The following FLG variants were observed in gnomAD, a reference collection of about 807,000 sequenced individuals.
The protein encoded by FLG is filaggrin.
In FLG, 6 loss-of-function variants were observed where a neutral mutation model predicts 3.8. The ratio of observed to expected loss-of-function variants is 1.60; its 90% CI spans 0.87 to 3.15. The LOEUF (loss-of-function observed/expected upper bound fraction) is 3.15. Ranked by LOEUF, FLG falls within the 30% of genes most tolerant of loss-of-function variation. The pLI is 0.00. For synonymous variants in FLG, 2,551 were observed against 1,931.6 expected (o/e 1.32, Z -8.41); for missense variants, 7,595 against 5,050.9 (o/e 1.50, Z -15.27).
intron 1 of FLG, among the ~76,000 whole-genome samples, chr1:152,319,508 T>C (rs923768693): frequency 5.3e-5 from 8 of 151,282 alleles, no homozygotes; most frequent in Non-Finnish European, 1.0e-4. Flanking sequence ...AAGCAGGAGA[T>C]ATAAAAGAAA....
rs1179576177 is a variant in FLG at position 152,314,689 on chromosome 1, T to C, written c.197A>G (p.Asn66Ser). Residue 66 changes from asparagine (N) to serine (S), a missense_variant, in exon 3 of 3, where the codon AAC becomes AGC. Transcript: ENST00000368799. ...AAACTCAGTGAAGTCAATTTTCTTGTTGTGGTCTATATCCAAGTGATCCAT... is the reference window on the plus strand; with the variant it reads ...AAACTCAGTGAAGTCAATTTTCTTGCTGTGGTCTATATCCAAGTGATCCAT... The part of the protein sequence containing the change: ...VFMDHLDIDH[N>S]KKIDFTEFLL... The C allele has an allele frequency of 6.2e-7, 1 of 1,614,022 alleles. No individual in the cohort carries two copies. The highest frequency in any genetic ancestry group is 1.7e-5 in the Admixed American group (1 of 60,016).
rs1305526965 is a variant in FLG at position 152,311,671 on chromosome 1, C to G, written c.3215G>C (p.Ser1072Thr). ...GHWGSSGSQA[S>T]DSEGHSEESD... ...CTCCTCTGAATGTCCCTCACTATCA[C>G]TGGCCTGACTACCACTGGACCCCCA... Residue 1072 changes from serine (S) to threonine (T), a missense_variant, in exon 3 of 3, where the codon AGT becomes ACT. By Grantham distance (58) the Ser-to-Thr change is moderately conservative (BLOSUM62 1). Transcript: ENST00000368799. The G allele has an allele frequency of 2.5e-6, 4 of 1,614,012 alleles. No individual in the cohort carries two copies. Among genetic ancestry groups the G allele is most frequent in the Non-Finnish European group, 3.4e-6 (4 of 1,180,026 alleles).
At position 152,307,691 on chromosome 1, in the gene FLG, A is replaced by T. The variant is rs1219299454; in HGVS notation, c.7195T>A (p.Ser2399Thr). 1.9e-6 allele frequency: 3 copies of T among 1,609,186 alleles called. No homozygotes were observed. Among genetic ancestry groups the T allele is most frequent in the Admixed American group, 1.7e-5 (1 of 59,670 alleles). Reference protein sequence around the residue: ...AGPHQQSHQESTRGRSAGRSG... With the variant: ...AGPHQQSHQETTRGRSAGRSG... Reference sequence around the variant, plus strand: ...CTTCCTGCTGACCGGCCACGTGTGGACTCTTGGTGGCTCTGCTGATGGGGC... The same window carrying T: ...CTTCCTGCTGACCGGCCACGTGTGGTCTCTTGGTGGCTCTGCTGATGGGGC... Residue 2399 changes from serine to threonine, a missense_variant, in exon 3 of 3, where the codon TCC becomes ACC. Transcript: ENST00000368799.
At chr1:152,315,726 G>A (rs1043010266) in intron 1 of FLG, among the ~76,000 whole-genome samples, 5 of 152,118 alleles carry the variant, frequency 3.3e-5, no homozygotes, top group Non-Finnish European at 7.4e-5. Flanking sequence ...TAGTCTCACA[G>A]ACCTCAGTGT....
At position 152,311,748 on chromosome 1, in the gene FLG, G is replaced by T; in HGVS notation, c.3138C>A (p.His1046Gln). 3 of 1,614,126 alleles carry T rather than the reference G, an allele frequency of 1.9e-6. No homozygotes were observed. Among genetic ancestry groups the T allele is most frequent in the Non-Finnish European group, 2.5e-6 (3 of 1,180,030 alleles). The change falls in exon 3 of 3, where the codon CAC (histidine) becomes CAA (glutamine). Residue 1046 changes from histidine (H) to glutamine (Q), a missense_variant. Coordinates refer to ENST00000368799, the MANE Select transcript of FLG (RefSeq NM_002016.2). ...AAGCTTGTCTGCGCGGAATGCCTGAGTGTCTGGAGCTGTCTGCTGACTGCT... is the reference window on the plus strand; with the variant it reads ...AAGCTTGTCTGCGCGGAATGCCTGATTGTCTGGAGCTGTCTGCTGACTGCT... ...RHQQSADSSR[H>Q]SGIPRRQASS... is the part of the protein sequence containing the mutation.
At chr1:152,321,333 A>G (rs1459423880) in intron 1 of FLG, among the ~76,000 whole-genome samples, 1 of 151,030 alleles carries the variant, frequency 6.6e-6, no homozygotes, top group Non-Finnish European at 1.5e-5. Context: ...AATAATAAAG[A>G]TAACTAAAAT....
At position 152,312,552 on chromosome 1, in the gene FLG, G is replaced by A. The variant is rs771168723; in HGVS notation, c.2334C>T (p.Ser778=). ...AGHHQQSHQE[S]ARDRSGERSR... ...ACCTTTCCCCTGACCGGTCACGTGC[G>A]GACTCTTGGTGGCTCTGCTGATGGT... The change falls in exon 3 of 3, where the codon TCC becomes TCT. Residue 778 remains serine (S), a synonymous_variant. Transcript: ENST00000368799. 61 of 1,613,638 alleles carry A rather than the reference G, an allele frequency of 3.8e-5. No individual in the cohort carries two copies. The highest frequency in any genetic ancestry group is 1.6e-4 in the Middle Eastern group (1 of 6,062).
At position 152,310,664 on chromosome 1, in the gene FLG, G is replaced by T. The variant is rs141177690; in HGVS notation, c.4222C>A (p.Gln1408Lys). ...SEGHSEDSDT[Q>K]SVSAHGQAGP... ...GCTTGTCCGTGGGCTGACACTGACT[G>T]TGTGTCTGAGTCTTCTGAATGTCCC... Residue 1408 changes from glutamine (Q) to lysine (K), a missense_variant, in exon 3 of 3, where the codon CAG becomes AAG. Gln to Lys is a moderately conservative substitution (Grantham distance 53). Coordinates refer to ENST00000368799, the MANE Select transcript of FLG (RefSeq NM_002016.2). The T allele has an allele frequency of 2.7e-3, 4,370 of 1,614,014 alleles. 102 individuals are homozygous for T. In the African/African-American group the frequency reaches 0.051, roughly 19 times the overall value.
At chr1:152,320,959 A>C (rs965754236) in intron 1 of FLG, among the ~76,000 whole-genome samples, 1 of 151,076 alleles carries the variant, frequency 6.6e-6, no homozygotes, top group Non-Finnish European at 1.5e-5. Flanking sequence ...ATGCAAAATT[A>C]GAAAATATTT....
rs1465717139 is a variant in FLG at position 152,308,725 on chromosome 1, G to C, written c.6161C>G (p.Ser2054Ter). The C allele has an allele frequency of 5.6e-6, 9 of 1,614,112 alleles. No individual in the cohort carries two copies. Among genetic ancestry groups the C allele is most frequent in the Non-Finnish European group, 7.6e-6 (9 of 1,179,994 alleles). The change falls in exon 3 of 3, where the codon TCA becomes TGA. Residue 2054 changes from serine to a stop codon, truncating the protein, a stop_gained. Coordinates refer to ENST00000368799, the MANE Select transcript of FLG (RefSeq NM_002016.2). LOFTEE classifies it low-confidence loss of function (END_TRUNC). ...CTGTGCTGACACTGACTGTGTGTCT[G>C]AGTCTTCTGAATGTCCCTCACTGTC... is the stretch of plus-strand genomic sequence containing the variant. ...ASDSEGHSEDSDTQSVSAQGK... is the reference protein window; with the variant it reads ...ASDSEGHSED
chr1:152,310,904 G>A lies in FLG; in HGVS notation c.3982C>T (p.Gln1328Ter), dbSNP rs1461735486. Residue 1328 changes from glutamine (Q) to a stop codon, truncating the protein, a stop_gained, in exon 3 of 3, where the codon CAA (glutamine) becomes TAA (stop). Coordinates refer to ENST00000368799, the MANE Select transcript of FLG (RefSeq NM_002016.2). LOFTEE classifies it low-confidence loss of function (END_TRUNC). ...GACTCTGTGTGATGAGTGCCTGATT[G>A]TCTGGAGCTGTCTGCAGAGTGCCCG... ...SHGHSADSSR[Q>*]SGTHHTESSS... is the part of the protein sequence containing the mutation. The A allele has an allele frequency of 1.9e-6, 3 of 1,614,096 alleles. No individual in the cohort carries two copies. Among genetic ancestry groups the A allele is most frequent in the Admixed American group, 1.7e-5 (1 of 60,026 alleles).
At position 152,312,711 on chromosome 1, in the gene FLG, A is replaced by T; in HGVS notation, c.2175T>A (p.Thr725=). The T allele has an allele frequency of 6.2e-7, 1 of 1,613,776 alleles. No homozygotes were observed. Among genetic ancestry groups the T allele is most frequent in the Non-Finnish European group, 8.5e-7 (1 of 1,179,968 alleles). Residue 725 remains threonine, a synonymous_variant, in exon 3 of 3, where the codon ACT becomes ACA. Coordinates refer to ENST00000368799, the MANE Select transcript of FLG (RefSeq NM_002016.2). ...CTGCAGATGAAGCTTGTCCGTGCCC[A>T]GTGCCTGAGTGTCTGGAGCTGTCTG... ...QSADSSRHSG[T]GHGQASSAVR...
Position 152,310,351 on chromosome 1 carries a change from G to C in FLG, c.4535C>G (p.Ser1512Cys), listed in dbSNP as rs199810477. Reference protein sequence around the residue: ...GSYHEQSVDRSGHSGYHHSHT... With the variant: ...GSYHEQSVDRCGHSGYHHSHT... ...GCTGTGATGGTACCCTGAGTGTCCA[G>C]ACCTATCTACTGATTGCTCGTGGTA... Residue 1512 changes from serine (S) to cysteine (C), a missense_variant, in exon 3 of 3, where the codon TCT becomes TGT. Ser to Cys is a moderately radical substitution (Grantham distance 112). Transcript: ENST00000368799. The C allele has an allele frequency of 9.9e-6, 16 of 1,613,720 alleles. No homozygotes were observed. Among genetic ancestry groups the C allele is most frequent in the Admixed American group, 1.7e-5 (1 of 59,948 alleles).
In FLG at chr1:152,306,379, C is replaced by T. The variant is rs777731067; in HGVS notation, c.8507G>A (p.Ser2836Asn). The change falls in exon 3 of 3, where the codon AGT becomes AAT. Residue 2836 changes from serine (S) to asparagine (N), a missense_variant. Ser to Asn is a conservative substitution (Grantham distance 46, BLOSUM62 1). Coordinates refer to ENST00000368799, the MANE Select transcript of FLG (RefSeq NM_002016.2). ...CTCATTACGTGTTGTTCTGCTTGCA[C>T]TTCTGGATCCTGACTGCCCACGGGA... The part of the protein sequence containing the change: ...DASRGQSGSR[S>N]ASRTTRNEEQ... 2.6e-5 allele frequency: 42 copies of T among 1,602,704 alleles called. No individual in the cohort carries two copies. In the East Asian group the frequency reaches 6.0e-4, roughly 23 times the overall value.
rs776588678 is a variant in FLG at position 152,310,059 on chromosome 1, C to T, written c.4827G>A (p.Arg1609=). ...GGTTTCTGGAAGCCGACTCAGACCG[C>T]CTCTCAGAGTCTTCTGAGTGTCCCT... The part of the protein sequence containing the change: ...DSEGHSEDSE[R]RSESASRNHY... The change falls in exon 3 of 3, where the codon AGG becomes AGA. Residue 1609 remains arginine, a synonymous_variant. Coordinates refer to ENST00000368799, the MANE Select transcript of FLG (RefSeq NM_002016.2). 3 of 1,613,488 alleles carry T rather than the reference C, an allele frequency of 1.9e-6. No individual in the cohort carries two copies. In the South Asian group the frequency reaches 3.3e-5, roughly 18 times the overall value.
Position 152,302,311 on chromosome 1 carries a change from A to C in FLG, c.*389T>G, listed in dbSNP as rs1236510660. The C allele has an allele frequency of 4.3e-6, 1 of 229,984 alleles. No homozygotes were observed. Among genetic ancestry groups the C allele is most frequent in the East Asian group, 1.1e-4 (1 of 8,788 alleles). The allele number at this position is 229,984 out of a possible 1,614,324, so 14.2% of individuals were successfully genotyped here. On this transcript the variant is annotated 3_prime_UTR_variant, in exon 3 of 3. Transcript: ENST00000368799. ...TGCTAGCCCTGATGTTGATATAGCC[A>C]CTTTGGTATACAGAACTGTTTTATA...
In FLG at chr1:152,303,698, T is replaced by G. The variant is rs770569885; in HGVS notation, c.11188A>C (p.Ser3730Arg). The change falls in exon 3 of 3, where the codon AGT (serine) becomes CGT (arginine). Residue 3730 changes from serine (S) to arginine (R), a missense_variant. Transcript: ENST00000368799. ...CGGGATCCTTGTCTTCCTCCAGTAC[T>G]GGGCCCAGCCCGTCCATGGGCAGAC... ...SESAHGRAGPSTGGRQGSRHE... is the reference protein window; with the variant it reads ...SESAHGRAGPRTGGRQGSRHE... The G allele has an allele frequency of 2.5e-6, 4 of 1,614,090 alleles. No individual in the cohort carries two copies. The highest frequency in any genetic ancestry group is 2.5e-6 in the Non-Finnish European group (3 of 1,179,984).
At position 152,309,100 on chromosome 1, in the gene FLG, T is replaced by C; in HGVS notation, c.5786A>G (p.Glu1929Gly). The change falls in exon 3 of 3, where the codon GAA becomes GGA. Residue 1929 changes from glutamate to glycine, a missense_variant. Transcript: ENST00000368799. ...SQDSDSQGHS[E>G]DSERWSGSAS... ...AGACCCAGACCACCTCTCAGAGTCTTCTGAGTGTCCCTGACTGTCACTGTC... is the reference window on the plus strand; with the variant it reads ...AGACCCAGACCACCTCTCAGAGTCTCCTGAGTGTCCCTGACTGTCACTGTC... 2 of 1,614,112 alleles carry C rather than the reference T, an allele frequency of 1.2e-6. No individual in the cohort carries two copies. The highest frequency in any genetic ancestry group is 2.2e-5 in the South Asian group (2 of 91,078).
chr1:152,314,828 G>A, intron 2 of FLG, 81 bp from the exon 3 acceptor site: 1 of 1,565,692 alleles, frequency 6.4e-7, no homozygotes, highest in Non-Finnish European at 8.7e-7. Flanking sequence ...TTAATTTAAG[G>A]AACCTGATCT....
Sources: gnomAD v4.1 joint callset for allele counts (sites outside exome capture counted in the v4.1 genomes callset) on GRCh38, gnomAD v4.1.1 for gene constraint, MANE v1.5 for transcripts, NCBI Gene and HGNC (gene_info 2026-07-23, HGNC 2026-07-21) for gene names.